Variants in ABCC2 observed in about 807,000 individuals in gnomAD.
ABCC2 encodes the protein ATP binding cassette subfamily C member 2.
In ABCC2, 157 loss-of-function variants were observed where a neutral mutation model predicts 173.4. That is an observed-to-expected ratio of 0.91 (90% CI 0.80 to 1.03). ABCC2 has a LOEUF of 1.03. ABCC2 is among the 50% of genes least tolerant of loss of function. The pLI, the probability that ABCC2 is intolerant of heterozygous loss-of-function variation, is 0.00. For synonymous variants in ABCC2, 657 were observed against 693.5 expected (o/e 0.95, Z 0.83); for missense variants, 1,822 against 1,852.3 (o/e 0.98, Z 0.30).
intron 19 of ABCC2, among the ~76,000 whole-genome samples, chr10:99,821,831 G>A (rs375663440): frequency 0.01 from 1,582 of 151,732 alleles, 24 homozygotes; most frequent in Middle Eastern, 0.041. Context: ...AACCGCCATC[G>A]TCATCATGGC....
At chr10:99,846,923 C>T in intron 29 of ABCC2, 38 bp from the exon 30 acceptor site, 10 of 1,613,490 alleles carry the variant, frequency 6.2e-6, no homozygotes, top group Non-Finnish European at 8.5e-6. Context: ...CCTTTTCTGG[C>T]ATGAGCCCCA....
chr10:99,814,725 ATG>A lies in ABCC2; in HGVS notation c.2094+1589_2094+1590del, dbSNP rs761851347. Among the ~76,000 whole-genome samples, 178 of 144,370 alleles carry A rather than the reference ATG, an allele frequency of 1.2e-3. 1 individual carries two copies. The highest frequency in any genetic ancestry group is 3.7e-3 in the Middle Eastern group (1 of 268). The allele number at this position is 144,370 out of a possible 152,430, so 94.7% of individuals were successfully genotyped here. On this transcript the variant is annotated intron_variant, in intron 16 of 31. Transcript: ENST00000647814. ...TATGTGTATACATGTATATACACAT[ATG>A]TGTGTGTATGTGTATATGTATGTAT...
intron 4 of ABCC2, 88 bp from the exon 5 acceptor site, chr10:99,793,804 C>T: frequency 4.5e-6 from 7 of 1,566,348 alleles, no homozygotes; most frequent in Non-Finnish European, 6.2e-6. Context: ...TGATCATAGG[C>T]TTTAATCACA....
chr10:99,814,553 G>A lies in ABCC2; in HGVS notation c.2094+1409G>A, dbSNP rs1475279026. ...TATACACATATACACACACATATGT[G>A]TATATACACATATACACACACATAT... On this transcript the variant is annotated intron_variant, in intron 16 of 31. Transcript: ENST00000647814. Among the ~76,000 whole-genome samples, 2 of 111,812 alleles carry A rather than the reference G, an allele frequency of 1.8e-5. 1 individual carries two copies. Among genetic ancestry groups the A allele is most frequent in the Non-Finnish European group, 3.9e-5 (2 of 51,414 alleles). The allele number at this position is 111,812 out of a possible 152,430, so 73.4% of individuals were successfully genotyped here. A position where few individuals can be genotyped will look rare whatever the true frequency, so the allele number is the denominator to read the frequency against.
chr10:99,792,416 G>A, intron 3 of ABCC2, 57 bp downstream of exon 3: 1 of 1,599,920 alleles, frequency 6.3e-7, no homozygotes, highest in Non-Finnish European at 8.6e-7. Context: ...AGGCATCTAG[G>A]TGAAATGTAC....
At chr10:99,831,567 A>G in intron 21 of ABCC2, 44 bp from the exon 22 acceptor site, 1 of 1,572,974 alleles carries the variant, frequency 6.4e-7, no homozygotes, top group Non-Finnish European at 8.7e-7. Flanking sequence ...CCTTATCAAA[A>G]GCCATTAGGG....
rs138799687 is a variant in ABCC2, at chr10:99,807,438, C to T, written c.1585C>T (p.Arg529Trp). 6.8e-5 allele frequency: 110 copies of T among 1,614,076 alleles called. 4 individuals are homozygous for T. Among genetic ancestry groups the T allele is most frequent in the South Asian group, 6.8e-4 (62 of 91,084 alleles). Residue 529 changes from arginine (R) to tryptophan (W), a missense_variant, in exon 12 of 32, where the codon CGG becomes TGG. Physicochemically the swap from Arg to Trp is moderately radical, Grantham distance 101. Coordinates refer to ENST00000647814, the MANE Select transcript of ABCC2 (RefSeq NM_000392.5). ...ATTCAGAGACCAAGTACAAAACCTCCGGAAGAAAGAGCTCAAGAACCTGCT... is the reference window on the plus strand; with the variant it reads ...ATTCAGAGACCAAGTACAAAACCTCTGGAAGAAAGAGCTCAAGAACCTGCT... ...PSFRDQVQNL[R>W]KKELKNLLAF...
chr10:99,808,304 AT>A, intron 13 of ABCC2, 75 bp downstream of exon 13: 1 of 1,567,328 alleles, frequency 6.4e-7, no homozygotes, highest in East Asian at 2.2e-5. Context: ...TGGCTATCAC[AT>A]CCCATGTCTA....
chr10:99,797,323 C>G lies in ABCC2; in HGVS notation c.859C>G (p.Leu287Val), dbSNP rs113972365. Reference sequence around the variant, plus strand: ...GAATCAGAGTCAAAGCCAAGATGCCCTTGTCCTGGTAACTTTCCCTTGAGT... The same window carrying G: ...GAATCAGAGTCAAAGCCAAGATGCCGTTGTCCTGGTAACTTTCCCTTGAGT... Reference protein sequence around the residue: ...NKNQSQSQDALVLEDVEKKKK... With the variant: ...NKNQSQSQDAVVLEDVEKKKK... The change falls in exon 7 of 32, where the codon CTT becomes GTT. Residue 287 changes from leucine (L) to valine (V), a missense_variant. By Grantham distance (32) the Leu-to-Val change is conservative. Coordinates refer to ENST00000647814, the MANE Select transcript of ABCC2 (RefSeq NM_000392.5). The G allele has an allele frequency of 1.2e-6, 2 of 1,611,714 alleles. No individual in the cohort carries two copies. The highest frequency in any genetic ancestry group is 2.2e-5 in the East Asian group (1 of 44,734).
chr10:99,810,062 A>G, intron 13 of ABCC2, 72 bp from the exon 14 acceptor site: 1 of 1,438,836 alleles, frequency 7.0e-7, no homozygotes, highest in Non-Finnish European at 9.8e-7. Context: ...TGGACTAACG[A>G]CAAAGTCAAA....
At position 99,819,124 on chromosome 10, in the gene ABCC2, T is replaced by C. The variant is rs1476546263; in HGVS notation, c.2475T>C (p.Leu825=). 1.2e-6 allele frequency: 2 copies of C among 1,614,176 alleles called. No homozygotes were observed. Among genetic ancestry groups the C allele is most frequent in the Non-Finnish European group, 1.7e-6 (2 of 1,180,024 alleles). Residue 825 remains leucine (L), a synonymous_variant, in exon 19 of 32, where the codon CTT becomes CTC. Transcript: ENST00000647814. ...TGGTTACACATAGCATGCACTTTCTTCCTCAAGTGGATGAGATTGTAGTTC... is the reference window on the plus strand; with the variant it reads ...TGGTTACACATAGCATGCACTTTCTCCCTCAAGTGGATGAGATTGTAGTTC... ...RLLVTHSMHF[L]PQVDEIVVLG...
intron 19 of ABCC2, among the ~76,000 whole-genome samples, chr10:99,819,972 G>T (rs903271673): frequency 5.9e-5 from 9 of 152,214 alleles, no homozygotes; most frequent in African/African-American, 2.2e-4. Flanking sequence ...AGGAGTTCAG[G>T]TCGAGAAAGC....
intron 8 of ABCC2, among the ~76,000 whole-genome samples, chr10:99,799,814 G>T (rs1453267434): frequency 6.6e-6 from 1 of 152,182 alleles, no homozygotes; most frequent in Non-Finnish European, 1.5e-5. Context: ...CCAAAGCATT[G>T]CAGTGACAGC....
chr10:99,800,455 A>G lies in ABCC2; in HGVS notation c.1101A>G (p.Leu367=). The change falls in exon 9 of 32, where the codon TTA becomes TTG. Residue 367 remains leucine (L), a synonymous_variant. Coordinates refer to ENST00000647814, the MANE Select transcript of ABCC2 (RefSeq NM_000392.5). The stretch of plus-strand genomic sequence containing the variant: ...TTGGATATCTCTGTGCAATCCTCTT[A>G]TTCACTGCGGCTCTCATTCAGTCTT... The part of the protein sequence containing the change: ...LWIGYLCAIL[L]FTAALIQSFC... 1 of 1,614,122 alleles carries G rather than the reference A, an allele frequency of 6.2e-7. No homozygotes were observed.
intron 19 of ABCC2, among the ~76,000 whole-genome samples, chr10:99,822,078 A>T (rs1337058778): frequency 6.6e-6 from 1 of 152,206 alleles, no homozygotes; most frequent in African/African-American, 2.4e-5. Context: ...CTGTGGGGCC[A>T]GGTACCCATA....
chr10:99,798,307 C>CATTG (rs2037956175), intron 7 of ABCC2, among the ~76,000 whole-genome samples: 1 of 152,096 alleles, frequency 6.6e-6, no homozygotes, highest in South Asian at 2.1e-4. Context: ...GAGAGTATCA[C>CATTG]TGGTAGGCTG....
In ABCC2 at chr10:99,851,516, A is replaced by G; in HGVS notation, c.4523A>G (p.Asp1508Gly). 6.2e-7 allele frequency: 1 copy of G among 1,614,154 alleles called. No homozygotes were observed. The highest frequency in any genetic ancestry group is 8.5e-7 in the Non-Finnish European group (1 of 1,180,028). Residue 1508 changes from aspartate (D) to glycine (G), a missense_variant, in exon 32 of 32, where the codon GAC becomes GGC. Physicochemically the swap from Asp to Gly is moderately conservative, Grantham distance 94 (BLOSUM62 -1). Coordinates refer to ENST00000647814, the MANE Select transcript of ABCC2 (RefSeq NM_000392.5). ...CCTTGTTTCAGGGTAATGGTCCTAG[A>G]CAACGGGAAGATTATAGAGTGCGGC... is the stretch of plus-strand genomic sequence containing the variant. ...IMDSDKVMVL[D>G]NGKIIECGSP... is the part of the protein sequence containing the mutation.
Position 99,844,249 on chromosome 10 carries a change from A to G in ABCC2, c.3844-73A>G, listed in dbSNP as rs34456559. ...TGCTACCCTTCTCCTGTTCTATGACACGAGTCCTGGGTGGACTGTTCGGCT... is the reference window on the plus strand; with the variant it reads ...TGCTACCCTTCTCCTGTTCTATGACGCGAGTCCTGGGTGGACTGTTCGGCT... On this transcript the variant is annotated intron_variant, in intron 27 of 31. Coordinates refer to ENST00000647814, the MANE Select transcript of ABCC2 (RefSeq NM_000392.5). 0.053 allele frequency: 84,256 copies of G among 1,583,068 alleles called. 2,582 individuals are homozygous for G. The highest frequency in any genetic ancestry group is 0.13 in the Middle Eastern group (639 of 4,816).
Position 99,845,648 on chromosome 10 carries a change from G to A in ABCC2, c.4012G>A (p.Ala1338Thr), listed in dbSNP as rs2039005427. Residue 1338 changes from alanine (A) to threonine (T), a missense_variant, in exon 29 of 32, where the codon GCT becomes ACT. By Grantham distance (58) the Ala-to-Thr change is moderately conservative. Coordinates refer to ENST00000647814, the MANE Select transcript of ABCC2 (RefSeq NM_000392.5). ...EKIGVVGRTGAGKSSLTNCLF... is the reference protein window; with the variant it reads ...EKIGVVGRTGTGKSSLTNCLF... Reference sequence around the variant, plus strand: ...GATTGGTGTGGTGGGCAGGACAGGAGCTGGAAAGTCATCCCTCACAAACTG... The same window carrying A: ...GATTGGTGTGGTGGGCAGGACAGGAACTGGAAAGTCATCCCTCACAAACTG... 6.2e-7 allele frequency: 1 copy of A among 1,613,944 alleles called. No homozygotes were observed. Among genetic ancestry groups the A allele is most frequent in the Non-Finnish European group, 8.5e-7 (1 of 1,180,022 alleles).
Sources: allele counts gnomAD v4.1 joint callset (sites outside exome capture counted in the v4.1 genomes callset), GRCh38; gene constraint gnomAD v4.1.1; transcripts MANE v1.5; gene names NCBI Gene and HGNC (gene_info 2026-07-23, HGNC 2026-07-21).